Variants in VPS13A observed in about 807,000 individuals in gnomAD.
VPS13A encodes the protein intermembrane lipid transfer protein VPS13A.
In VPS13A, 264 loss-of-function variants were observed where a neutral mutation model predicts 390.9. The observed-to-expected ratio is 0.68, with a 90% CI of 0.61 to 0.75. The LOEUF (loss-of-function observed/expected upper bound fraction) is 0.75. Among genes scored for constraint, VPS13A ranks in the 30% least tolerant of loss-of-function variants. The pLI is 0.00. For synonymous variants in VPS13A, 1,231 were observed against 1,227.1 expected (o/e 1.00, Z -0.07); for missense variants, 3,409 against 3,733.9 (o/e 0.91, Z 2.27).
chr9:77,253,973 C>G (rs1228307182), intron 22 of VPS13A, among the ~76,000 whole-genome samples: 2 of 107,912 alleles, frequency 1.9e-5, no homozygotes, highest in Non-Finnish European at 3.4e-5. Context: ...GAGACAGAGT[C>G]TCGCTGTCGC....
chr9:77,252,504 A>G, intron 22 of VPS13A, 152 bp downstream of exon 22: 1 of 779,452 alleles, frequency 1.3e-6, no homozygotes, highest in Non-Finnish European at 2.3e-6. Context: ...TATAAAATTT[A>G]CCATTTTGAT....
chr9:77,336,802 C>CTTTTTTTT (rs1221241397), intron 46 of VPS13A, among the ~76,000 whole-genome samples: 2 of 107,988 alleles, frequency 1.9e-5, no homozygotes, highest in African/African-American at 3.4e-5. Flanking sequence ...ATTTATCTAT[C>CTTTTTTTT]TTTTTTTTTT....
At chr9:77,387,794 T>C (rs1424170327) in intron 68 of VPS13A, among the ~76,000 whole-genome samples, 1 of 152,206 alleles carries the variant, frequency 6.6e-6, no homozygotes, top group Non-Finnish European at 1.5e-5. Flanking sequence ...ACTGATGCAG[T>C]GTTGAATGTT....
At chr9:77,305,095 C>T (rs539373583) in intron 34 of VPS13A, among the ~76,000 whole-genome samples, 20 of 152,158 alleles carry the variant, frequency 1.3e-4, no homozygotes, top group South Asian at 6.2e-4. Context: ...TCCGCCACCG[C>T]GCCCGGCTAA....
chr9:77,340,121 A>G, intron 48 of VPS13A, 57 bp from the exon 49 acceptor site: 3 of 1,514,384 alleles, frequency 2.0e-6, no homozygotes, highest in Non-Finnish European at 1.8e-6. Flanking sequence ...TATCAGTTTA[A>G]GCAGGAATTT....
intron 69 of VPS13A, among the ~76,000 whole-genome samples, chr9:77,405,031 A>G (rs1008987721): frequency 2.0e-5 from 3 of 151,952 alleles, no homozygotes; most frequent in Admixed American, 1.3e-4. Flanking sequence ...CTCTGGTTGC[A>G]CCTACAATTG....
At chr9:77,239,676 T>C (rs1824355148) in intron 19 of VPS13A, among the ~76,000 whole-genome samples, 1 of 151,862 alleles carries the variant, frequency 6.6e-6, no homozygotes, top group African/African-American at 2.4e-5. Context: ...AGATTTATGG[T>C]CCTTATTTTT....
intron 24 of VPS13A, among the ~76,000 whole-genome samples, chr9:77,274,493 T>TA (rs1564685936): frequency 6.6e-6 from 1 of 151,902 alleles, no homozygotes; most frequent in Non-Finnish European, 1.5e-5. Context: ...GGCTGTGAGT[T>TA]AAAAAACACC....
intron 63 of VPS13A, 105 bp from the exon 64 acceptor site, chr9:77,370,152 A>G: frequency 2.4e-6 from 3 of 1,234,158 alleles, no homozygotes; most frequent in East Asian, 2.5e-5. Flanking sequence ...CTGGGACAAC[A>G]TTATCCATTT....
intron 39 of VPS13A, among the ~76,000 whole-genome samples, chr9:77,316,948 CATCTTTTCAAGTTAACTG>C (rs145281131): frequency 0.08 from 12,204 of 152,016 alleles, 616 homozygotes; most frequent in East Asian, 0.13. Flanking sequence ...CCTTTACAGA[CATCTTTTCAAGTTAACTG>C]GCTGACTTCC....
chr9:77,260,836 C>A (rs754857204), intron 23 of VPS13A, among the ~76,000 whole-genome samples: 30 of 151,996 alleles, frequency 2.0e-4, no homozygotes, highest in Non-Finnish European at 3.5e-4. Flanking sequence ...TACTAGTACA[C>A]ACATGCACAA....
At chr9:77,260,286 A>T (rs977621922) in intron 23 of VPS13A, 62 bp downstream of exon 23, 1 of 1,557,888 alleles carries the variant, frequency 6.4e-7, no homozygotes, top group Admixed American at 1.7e-5. Flanking sequence ...TAGTATTTCA[A>T]ACAATCACAG....
In VPS13A at chr9:77,280,185, G is replaced by A; in HGVS notation, c.2851G>A (p.Val951Ile). ...LDENKKPVYL[V>I]TTLDNTMEDL... ...TGAAAACAAGAAACCAGTTTATTTG[G>A]TTACAACCCTGGATAACACAATGGA... Residue 951 changes from valine to isoleucine, a missense_variant, in exon 27 of 72, where the codon GTT (valine) becomes ATT (isoleucine). This residue lies in a region of VPS13A where 2,717 missense variants were observed against 2,917.4 expected (regional missense o/e 0.93). Coordinates refer to ENST00000360280, the MANE Select transcript of VPS13A (RefSeq NM_033305.3). The A allele has an allele frequency of 1.2e-6, 2 of 1,612,052 alleles. No individual in the cohort carries two copies. The highest frequency in any genetic ancestry group is 8.5e-7 in the Non-Finnish European group (1 of 1,179,122).
At chr9:77,331,285 T>G (rs1830262603) in intron 45 of VPS13A, among the ~76,000 whole-genome samples, 1 of 152,096 alleles carries the variant, frequency 6.6e-6, no homozygotes. Context: ...TTTACTAAGT[T>G]TTTGCTGAAT....
Position 77,261,975 on chromosome 9 carries a change from G to A in VPS13A, c.2427+1751G>A, listed in dbSNP as rs143188911. ...ATTAGCAAATGTTAAAATTTTATTCGAAGTGAAAAAAATGTCTTCTGGTTT... is the reference window on the plus strand; with the variant it reads ...ATTAGCAAATGTTAAAATTTTATTCAAAGTGAAAAAAATGTCTTCTGGTTT... On this transcript the variant is annotated intron_variant, in intron 23 of 71. Transcript: ENST00000360280. Among the ~76,000 whole-genome samples, 672 of 151,972 alleles carry A rather than the reference G, an allele frequency of 4.4e-3. 6 individuals carry two copies. Among genetic ancestry groups the A allele is most frequent in the African/African-American group, 0.015 (635 of 41,498 alleles).
chr9:77,235,938 C>G lies in VPS13A; in HGVS notation c.1596-2064C>G, dbSNP rs538868475. ...ATCTTACTTTGAGTATCCATACAAC[C>G]TTTGTTTTTCACTTTTCAGTACAGT... On this transcript the variant is annotated intron_variant, in intron 17 of 71. Transcript: ENST00000360280. 1.8e-3 allele frequency among the ~76,000 whole-genome samples: 281 copies of G among 152,194 alleles called. 2 individuals carry two copies. The highest frequency in any genetic ancestry group is 6.0e-3 in the African/African-American group (249 of 41,534).
chr9:77,217,764 A>G (rs1025757600), intron 10 of VPS13A, among the ~76,000 whole-genome samples: 16 of 149,932 alleles, frequency 1.1e-4, no homozygotes, highest in African/African-American at 2.9e-4. Context: ...TGTGGTAAAC[A>G]TACAAGCGCT....
chr9:77,387,032 C>A (rs1833717854), intron 68 of VPS13A, among the ~76,000 whole-genome samples: 1 of 151,816 alleles, frequency 6.6e-6, no homozygotes, highest in African/African-American at 2.4e-5. Flanking sequence ...GTGTAATTGC[C>A]CTTGTTTTTC....
At chr9:77,213,373 C>A in intron 9 of VPS13A, 59 bp downstream of exon 9, 1 of 1,371,496 alleles carries the variant, frequency 7.3e-7, no homozygotes. Context: ...AGGTTTAATT[C>A]ATTGTCATTT....
Sources: allele counts gnomAD v4.1 joint callset (sites outside exome capture counted in the v4.1 genomes callset), GRCh38; gene constraint gnomAD v4.1.1; regional missense constraint gnomAD v4.1.1; transcripts MANE v1.5; gene names NCBI Gene and HGNC (gene_info 2026-07-23, HGNC 2026-07-21).